Variants in CAMTA1 observed in about 807,000 individuals in gnomAD.
CAMTA1 encodes calmodulin binding transcription activator 1.
A neutral mutation model predicts 170.9 loss-of-function variants in CAMTA1; 27 were observed. That is an observed-to-expected ratio of 0.16 (90% confidence interval 0.12 to 0.22). CAMTA1 has a LOEUF of 0.22. Ranked by LOEUF, CAMTA1 falls within the 10% of genes least tolerant of loss-of-function variation. The pLI is 1.00. For missense variants in CAMTA1, 1,619 were observed against 2,217.2 expected, an observed-to-expected ratio of 0.73 and a Z score of 5.42; for synonymous variants, 833 against 891.5, an observed-to-expected ratio of 0.93 and a Z score of 1.17.
Position 7,064,260 on chromosome 1 carries a change from C to T in CAMTA1, c.235-27044C>T, listed in dbSNP as rs1708679649. Among the ~76,000 whole-genome samples, 1 of 151,866 alleles carries T rather than the reference C, an allele frequency of 6.6e-6. No individual in the cohort carries two copies. Among genetic ancestry groups the T allele is most frequent in the Non-Finnish European group, 1.5e-5 (1 of 67,988 alleles). ...CTCTTGTTCTTGTTCTTTTCTTCCT[C>T]TTGTTCTCTCTCTCTCACTCTCTCC... On this transcript the variant is annotated intron_variant, in intron 3 of 22. Transcript: ENST00000303635. The surrounding 1 kb of genome is among the most constrained non-coding windows in gnomAD (Gnocchi z 5.4).
chr1:7,021,817 G>C (rs1196040268), intron 3 of CAMTA1, among the ~76,000 whole-genome samples: 1 of 152,186 alleles, frequency 6.6e-6, no homozygotes, highest in East Asian at 1.9e-4. Flanking sequence ...CCTGTATTCT[G>C]CTTCCCTGTA....
rs564790083 is a variant in CAMTA1 at position 7,716,233 on chromosome 1, A to G, written c.2915-16215A>G. Among the ~76,000 whole-genome samples the G allele has an allele frequency of 3.9e-5, 6 of 152,098 alleles. No individual in the cohort carries two copies. The East Asian group carries it at 7.8e-4, about 20-fold the overall frequency. ...TGTTTTGTTGAGATAGGGTCTTACT[A>G]TGTGGCCCAGGCTGGTCTCCAACTC... On this transcript the variant is annotated intron_variant, in intron 11 of 22. Transcript: ENST00000303635.
At chr1:7,492,018 A>G (rs1448104460) in intron 6 of CAMTA1, among the ~76,000 whole-genome samples, 2 of 152,102 alleles carry the variant, frequency 1.3e-5, no homozygotes, top group Non-Finnish European at 2.9e-5. Context: ...TAGAGCTTCT[A>G]AACAGGAGGC....
intron 4 of CAMTA1, among the ~76,000 whole-genome samples, chr1:7,197,699 G>T (rs1655828478): frequency 6.9e-6 from 1 of 145,532 alleles, no homozygotes; most frequent in Non-Finnish European, 1.5e-5. Context: ...TTATTTATCT[G>T]CTCATTTCAT....
intron 6 of CAMTA1, among the ~76,000 whole-genome samples, chr1:7,603,885 C>CA (rs2095466013): frequency 6.6e-6 from 1 of 152,154 alleles, no homozygotes; most frequent in Non-Finnish European, 1.5e-5. Context: ...CTGGTGGTAA[C>CA]AAAATCTCTC....
Position 7,443,790 on chromosome 1 carries a change from T to C in CAMTA1, c.439-24040T>C, listed in dbSNP as rs1295428577. On this transcript the variant is annotated intron_variant, in intron 5 of 22. Coordinates refer to ENST00000303635, the MANE Select transcript of CAMTA1 (RefSeq NM_015215.4). The surrounding 1 kb of genome is among the most constrained non-coding windows in gnomAD (Gnocchi z 4.1). Reference sequence around the variant, plus strand: ...TCCCTCAGGTCTCTGCACCCTCTTTTCCATTTATTTGTACCTCCTGATATC... The same window carrying C: ...TCCCTCAGGTCTCTGCACCCTCTTTCCCATTTATTTGTACCTCCTGATATC... Among the ~76,000 whole-genome samples the C allele has an allele frequency of 6.6e-6, 1 of 152,046 alleles. No homozygotes were observed. The highest frequency in any genetic ancestry group is 2.4e-5 in the African/African-American group (1 of 41,392).
intron 1 of CAMTA1, among the ~76,000 whole-genome samples, chr1:6,788,506 T>C (rs1483027812): frequency 6.6e-6 from 1 of 152,206 alleles, no homozygotes; most frequent in Non-Finnish European, 1.5e-5. Context: ...TTTCTTGTTT[T>C]TGGTTTTAAA....
At chr1:7,447,357 G>A (rs2092705451) in intron 5 of CAMTA1, among the ~76,000 whole-genome samples, 13 of 150,946 alleles carry the variant, frequency 8.6e-5, no homozygotes, top group Admixed American at 7.9e-4. Context: ...AGTAGGGGAG[G>A]GAAGCGGAGT....
At chr1:6,981,102 A>G (rs528249229) in intron 3 of CAMTA1, among the ~76,000 whole-genome samples, 105 of 152,238 alleles carry the variant, frequency 6.9e-4, no homozygotes, top group African/African-American at 2.5e-3. Flanking sequence ...AAACGCACTG[A>G]TATTTCTGCA....
intron 4 of CAMTA1, among the ~76,000 whole-genome samples, chr1:7,138,309 T>C (rs1378829743): frequency 6.6e-6 from 1 of 152,174 alleles, no homozygotes; most frequent in Non-Finnish European, 1.5e-5. Context: ...GTAGCATGAA[T>C]ACCTTTTAGC....
chr1:7,022,801 T>C (rs1336083439), intron 3 of CAMTA1, among the ~76,000 whole-genome samples: 1 of 152,162 alleles, frequency 6.6e-6, no homozygotes, highest in African/African-American at 2.4e-5. Flanking sequence ...CAACTATGCA[T>C]ATGTGGGAAT....
In CAMTA1 at chr1:7,398,154, G is replaced by GCT. The variant is rs371668581; in HGVS notation, c.439-69637_439-69636dup. Among the ~76,000 whole-genome samples, 109 of 26,244 alleles carry GCT rather than the reference G, an allele frequency of 4.2e-3. 6 individuals are homozygous for GCT. The highest frequency in any genetic ancestry group is 5.5e-3 in the Non-Finnish European group (68 of 12,472). 17.2% of individuals were successfully genotyped at this position (26,244 alleles called of 152,430 possible). On this transcript the variant is annotated intron_variant, in intron 5 of 22. Coordinates refer to ENST00000303635, the MANE Select transcript of CAMTA1 (RefSeq NM_015215.4). ...TTCAGAAGTTAGATATAATAATATT[G>GCT]CTCTCTCTCTCTCTCTCTCTCTCTC...
intron 22 of CAMTA1, among the ~76,000 whole-genome samples, chr1:7,761,124 T>A (rs1174063329): frequency 6.6e-6 from 1 of 152,234 alleles, no homozygotes; most frequent in Non-Finnish European, 1.5e-5. Context: ...TACAATGGTA[T>A]CCCAGAGTGG....
At chr1:6,973,449 C>G (rs1442295906) in intron 3 of CAMTA1, among the ~76,000 whole-genome samples, 1 of 152,146 alleles carries the variant, frequency 6.6e-6, no homozygotes, top group Non-Finnish European at 1.5e-5. Context: ...TCACATGCTG[C>G]AAGATCTCCT....
At chr1:7,492,562 C>T (rs1207733496) in intron 6 of CAMTA1, among the ~76,000 whole-genome samples, 1 of 151,882 alleles carries the variant, frequency 6.6e-6, no homozygotes, top group Admixed American at 6.6e-5. Flanking sequence ...CACACACGCA[C>T]GCACATACAA....
At chr1:7,500,576 C>G (rs2093988816) in intron 6 of CAMTA1, among the ~76,000 whole-genome samples, 1 of 152,134 alleles carries the variant, frequency 6.6e-6, no homozygotes. Flanking sequence ...GCCCTGCTCC[C>G]CTGGGTGGGC....
At chr1:7,383,803 A>G (rs1391365534) in intron 5 of CAMTA1, among the ~76,000 whole-genome samples, 1 of 152,104 alleles carries the variant, frequency 6.6e-6, no homozygotes, top group Non-Finnish European at 1.5e-5. Flanking sequence ...GATGGAGATG[A>G]TGATAATTTT....
chr1:6,879,696 A>G (rs1670941364), intron 3 of CAMTA1, among the ~76,000 whole-genome samples: 1 of 147,776 alleles, frequency 6.8e-6, no homozygotes, highest in African/African-American at 2.5e-5. Context: ...TGGCATAATC[A>G]TGGCTTGCTG....
chr1:6,962,245 A>G (rs1317901733), intron 3 of CAMTA1, among the ~76,000 whole-genome samples: 2 of 152,126 alleles, frequency 1.3e-5, no homozygotes, highest in African/African-American at 4.8e-5. Flanking sequence ...CGGCCTGTGC[A>G]GCGGGGACAC....
Sources: gnomAD v4.1 joint callset for allele counts (sites outside exome capture counted in the v4.1 genomes callset) on GRCh38, gnomAD v4.1.1 for gene constraint, Gnocchi (gnomAD v3.1) non-coding constraint, MANE v1.5 for transcripts, NCBI Gene and HGNC (gene_info 2026-07-23, HGNC 2026-07-21) for gene names.